WNK1: variants seen among roughly 807,000 people sequenced by gnomAD.
WNK1 encodes WNK lysine deficient protein kinase 1, also known as serine/threonine-protein kinase WNK1.
In WNK1, 38 loss-of-function variants were observed where a neutral mutation model predicts 222.8. The ratio of observed to expected loss-of-function variants is 0.17; its 90% CI spans 0.13 to 0.22. The LOEUF is 0.22. Among genes scored for constraint, WNK1 ranks in the 10% least tolerant of loss-of-function variants. The pLI is 1.00. For synonymous variants in WNK1, 1,090 were observed against 1,092.9 expected (o/e 1.00, Z 0.05); for missense variants, 2,348 against 2,918.4 (o/e 0.80, Z 4.50).
intron 8 of WNK1, among the ~76,000 whole-genome samples, chr12:866,890 G>A (rs57724395): frequency 0.13 from 20,363 of 152,050 alleles, 1,382 homozygotes; most frequent in Admixed American, 0.18. Flanking sequence ...TTGGGAGGCC[G>A]AAGTGAGCAG....
chr12:757,333 T>TTTTA (rs1491212965), intron 1 of WNK1, among the ~76,000 whole-genome samples: 1 of 71,490 alleles, frequency 1.4e-5, no homozygotes, highest in Non-Finnish European at 2.4e-5. Flanking sequence ...TTTTTTTTTT[T>TTTTA]AAAAAAAAAA....
intron 9 of WNK1, among the ~76,000 whole-genome samples, chr12:877,362 G>A (rs1426701512): frequency 6.6e-6 from 1 of 152,196 alleles, no homozygotes; most frequent in Non-Finnish European, 1.5e-5. Flanking sequence ...ACCGCGCCCA[G>A]CCTCAAGTTT....
chr12:839,682 A>G (rs1030683503), intron 4 of WNK1, among the ~76,000 whole-genome samples: 6 of 152,102 alleles, frequency 3.9e-5, no homozygotes, highest in African/African-American at 1.4e-4. Flanking sequence ...TATAATTTGT[A>G]TATGAAATGT....
At chr12:837,683 G>A (rs1380211470) in intron 4 of WNK1, among the ~76,000 whole-genome samples, 5 of 152,032 alleles carry the variant, frequency 3.3e-5, no homozygotes, top group African/African-American at 1.2e-4. Flanking sequence ...TAGGTTTTCA[G>A]TCTTGTCTAC....
At position 838,078 on chromosome 12, in the gene WNK1, A is replaced by AGTGTGTGT. The variant is rs3072742; in HGVS notation, c.1311+7943_1311+7950dup. ...CCTCTTTAAGTCTGAGTAATATTCC[A>AGTGTGTGT]GTGTGTGTGTGTGTGTGTGTGTGTG... On this transcript the variant is annotated intron_variant, in intron 4 of 27. Coordinates refer to ENST00000315939, the MANE Select transcript of WNK1 (RefSeq NM_018979.4). Among the ~76,000 whole-genome samples the AGTGTGTGT allele has an allele frequency of 6.5e-3, 962 of 148,862 alleles. 10 individuals are homozygous for AGTGTGTGT. Among genetic ancestry groups the AGTGTGTGT allele is most frequent in the African/African-American group, 0.019 (766 of 40,226 alleles).
At position 878,891 on chromosome 12, in the gene WNK1, A is replaced by ACTGTATGAGTACTGT. The variant is rs1952869653; in HGVS notation, c.2373+530_2373+531insCTGTATGAGTACTGT. Among the ~76,000 whole-genome samples, 3 of 151,936 alleles carry ACTGTATGAGTACTGT rather than the reference A, an allele frequency of 2.0e-5. No individual in the cohort carries two copies. The South Asian group carries it at 6.2e-4, about 32-fold the overall frequency. ...ACTTTATTTTTGAGTACTGTTGTGC[A>ACTGTATGAGTACTGT]TGTATGTGCACAGTGTATTGTTACC... On this transcript the variant is annotated intron_variant, in intron 10 of 27. Transcript: ENST00000315939.
At chr12:844,471 C>G (rs1013994530) in intron 4 of WNK1, among the ~76,000 whole-genome samples, 1 of 152,116 alleles carries the variant, frequency 6.6e-6, no homozygotes, top group Non-Finnish European at 1.5e-5. Flanking sequence ...ACCGGTAAAT[C>G]AAGCTGTAGA....
rs886048804 is a variant in WNK1 at position 909,170 on chromosome 12, A to T, written c.*378A>T. On this transcript the variant is annotated 3_prime_UTR_variant, in exon 28 of 28. Coordinates refer to ENST00000315939, the MANE Select transcript of WNK1 (RefSeq NM_018979.4). ...TGGGTGGAGCTCTTGCTTTTGGTAC[A>T]TGCCCTGAATCCCTCACTCCCTCAA... 1 of 256,558 alleles carries T rather than the reference A, an allele frequency of 3.9e-6. No individual in the cohort carries two copies. Among genetic ancestry groups the T allele is most frequent in the African/African-American group, 2.2e-5 (1 of 44,722 alleles). 15.9% of individuals were successfully genotyped at this position (256,558 alleles called of 1,614,324 possible).
At chr12:891,987 G>C (rs938021082) in intron 22 of WNK1, among the ~76,000 whole-genome samples, 1 of 148,330 alleles carries the variant, frequency 6.7e-6, no homozygotes, top group East Asian at 2.0e-4. Context: ...AATGGCCACA[G>C]TTATGAATAT....
rs1297655112 is a variant in WNK1, at chr12:753,754, G to A, written c.189G>A (p.Lys63=). Reference sequence around the variant, plus strand: ...GGCGCCGCCGCCACACTATGGACAAGGACAGCCGTGGGGCGGCCGCGACCA... The same window carrying A: ...GGCGCCGCCGCCACACTATGGACAAAGACAGCCGTGGGGCGGCCGCGACCA... ...EYRRRRHTMD[K]DSRGAAATTT... is the part of the protein sequence containing the mutation. The change falls in exon 1 of 28, where the codon AAG becomes AAA. Residue 63 remains lysine (K), a synonymous_variant. Transcript: ENST00000315939. This position sits in a 1 kb window ranked among gnomAD's most constrained non-coding sequence, Gnocchi z 5.2. The A allele has an allele frequency of 6.8e-6, 11 of 1,612,208 alleles. No individual in the cohort carries two copies. The Admixed American group carries it at 1.8e-4, about 27-fold the overall frequency.
intron 6 of WNK1, 28 bp downstream of exon 6, chr12:859,492 T>C (rs1951025883): frequency 1.9e-6 from 3 of 1,548,812 alleles, no homozygotes; most frequent in Non-Finnish European, 2.7e-6. Context: ...ATTTTAAAAT[T>C]GATTTAGACT....
At chr12:823,024 G>GATAT (rs1242151841) in intron 2 of WNK1, among the ~76,000 whole-genome samples, 1 of 152,104 alleles carries the variant, frequency 6.6e-6, no homozygotes, top group East Asian at 1.9e-4. Context: ...TAATTTTGCT[G>GATAT]ATATATAATT....
chr12:879,446 G>GTTTTTT, intron 10 of WNK1, 127 bp from the exon 11 acceptor site: 1 of 530,868 alleles, frequency 1.9e-6, no homozygotes, highest in Non-Finnish European at 2.9e-6. Flanking sequence ...TTGGTTTGGT[G>GTTTTTT]TTTTTTTTTT....
chr12:812,929 T>C (rs1947035296), intron 1 of WNK1, among the ~76,000 whole-genome samples: 1 of 152,096 alleles, frequency 6.6e-6, no homozygotes, highest in Admixed American at 6.5e-5. Flanking sequence ...CTTGAGTATT[T>C]AAGTTATTGC....
chr12:775,547 A>C (rs76317726), intron 1 of WNK1, among the ~76,000 whole-genome samples: 2 of 151,524 alleles, frequency 1.3e-5, no homozygotes, highest in South Asian at 2.1e-4. Context: ...TCATCTCTGC[A>C]AAAAAAAATT....
intron 7 of WNK1, among the ~76,000 whole-genome samples, chr12:861,729 TA>T (rs1951234250): frequency 6.6e-6 from 1 of 152,308 alleles, no homozygotes; most frequent in African/African-American, 2.4e-5. Flanking sequence ...GTATATAGAC[TA>T]AAAACTAATG....
At position 896,187 on chromosome 12, in the gene WNK1, A is replaced by G; in HGVS notation, c.5700A>G (p.Pro1900=). ...SESSVLSSSS[P]ESTLVKPEPN... is the part of the protein sequence containing the mutation. ...CCTCAGTGCTATCAAGTAGTAGTCC[A>G]GAGAGTACCTTGGTGAAACCAGAGC... The change falls in exon 24 of 28, where the codon CCA becomes CCG. Residue 1900 remains proline (P), a synonymous_variant. Coordinates refer to ENST00000315939, the MANE Select transcript of WNK1 (RefSeq NM_018979.4). The G allele has an allele frequency of 1.2e-6, 2 of 1,614,224 alleles. No homozygotes were observed. Among genetic ancestry groups the G allele is most frequent in the Non-Finnish European group, 1.7e-6 (2 of 1,180,044 alleles).
At chr12:866,636 A>G (rs867304050) in intron 8 of WNK1, among the ~76,000 whole-genome samples, 7 of 152,306 alleles carry the variant, frequency 4.6e-5, no homozygotes, top group Middle Eastern at 6.8e-3. Flanking sequence ...CTGGGATTAC[A>G]GGCGTGAGCC....
chr12:797,717 A>G (rs1170516201), intron 1 of WNK1, among the ~76,000 whole-genome samples: 3 of 152,032 alleles, frequency 2.0e-5, no homozygotes, highest in African/African-American at 7.2e-5. Flanking sequence ...AGGCCGAGGC[A>G]GGTGGATCAC....
Sources: gnomAD v4.1 joint callset for allele counts (sites outside exome capture counted in the v4.1 genomes callset) on GRCh38, gnomAD v4.1.1 for gene constraint, Gnocchi (gnomAD v3.1) non-coding constraint, MANE v1.5 for transcripts, NCBI Gene and HGNC (gene_info 2026-07-23, HGNC 2026-07-21) for gene names.